Variants in VEGFC observed in about 807,000 individuals in gnomAD.
The protein encoded by VEGFC is vascular endothelial growth factor C, also known as FLT4 ligand DHM.
In VEGFC, 12 loss-of-function variants were observed where a neutral mutation model predicts 46.1. That is an observed-to-expected ratio of 0.26 (90% CI 0.17 to 0.42). The LOEUF (loss-of-function observed/expected upper bound fraction) is 0.42. Ranked by LOEUF, VEGFC falls within the 10% of genes least tolerant of loss-of-function variation. VEGFC has a pLI of 1.00. For missense variants in VEGFC, 488 were observed against 529.4 expected (o/e 0.92, Z 0.77); for synonymous variants, 232 against 195.5 (o/e 1.19, Z -1.56).
chr4:176,701,168 A>G (rs759328910), intron 4 of VEGFC, among the ~76,000 whole-genome samples: 4 of 152,258 alleles, frequency 2.6e-5, no homozygotes, highest in African/African-American at 4.8e-5. Context: ...CTAATGCAAG[A>G]TGTTAAAACT....
chr4:176,743,040 C>T (rs936715944), intron 1 of VEGFC, among the ~76,000 whole-genome samples: 4 of 151,964 alleles, frequency 2.6e-5, no homozygotes, highest in African/African-American at 9.7e-5. Flanking sequence ...CCGGAAGAAG[C>T]AGATACTGAA....
chr4:176,721,972 G>A (rs1009327915), intron 3 of VEGFC, among the ~76,000 whole-genome samples: 5 of 151,964 alleles, frequency 3.3e-5, no homozygotes, highest in African/African-American at 9.7e-5. Flanking sequence ...TATTTTTGAT[G>A]AACTACAAAT....
chr4:176,757,528 C>A (rs1579126004), intron 1 of VEGFC, among the ~76,000 whole-genome samples: 1 of 151,764 alleles, frequency 6.6e-6, no homozygotes. Context: ...AATATTGGTA[C>A]AGTCATAGAT....
intron 1 of VEGFC, among the ~76,000 whole-genome samples, chr4:176,754,626 T>C (rs1735402620): frequency 6.6e-6 from 1 of 151,988 alleles, no homozygotes; most frequent in Admixed American, 6.6e-5. Flanking sequence ...ACTGGAACCA[T>C]GTAGATAATC....
chr4:176,730,743 C>T (rs765352512), intron 1 of VEGFC, among the ~76,000 whole-genome samples: 1 of 152,014 alleles, frequency 6.6e-6, no homozygotes, highest in Non-Finnish European at 1.5e-5. Flanking sequence ...GTTTTCCTGT[C>T]TAATTTTTGA....
At chr4:176,699,499 C>A (rs1734386865) in intron 4 of VEGFC, among the ~76,000 whole-genome samples, 1 of 152,200 alleles carries the variant, frequency 6.6e-6, no homozygotes, top group Non-Finnish European at 1.5e-5. Context: ...TAGATACAGA[C>A]CCTTCTTGCC....
intron 1 of VEGFC, among the ~76,000 whole-genome samples, chr4:176,769,228 T>C (rs1482743928): frequency 7.9e-5 from 12 of 152,092 alleles, no homozygotes; most frequent in African/African-American, 2.7e-4. Context: ...AACAATGAAT[T>C]TTCTGTTCTT....
At chr4:176,779,401 G>GT (rs1024721801) in intron 1 of VEGFC, among the ~76,000 whole-genome samples, 1 of 152,106 alleles carries the variant, frequency 6.6e-6, no homozygotes, top group African/African-American at 2.4e-5. Flanking sequence ...ATTGGAAGAA[G>GT]TTTTTTTCTG....
intron 1 of VEGFC, among the ~76,000 whole-genome samples, chr4:176,771,414 CA>C (rs944557743): frequency 7.9e-5 from 12 of 151,450 alleles, no homozygotes; most frequent in Admixed American, 2.0e-4. Flanking sequence ...GTCTACTTAC[CA>C]AAAAAAATTG....
At chr4:176,699,119 A>G (rs2110983547) in intron 4 of VEGFC, among the ~76,000 whole-genome samples, 1 of 152,350 alleles carries the variant, frequency 6.6e-6, no homozygotes. Flanking sequence ...AGCTCTTTTA[A>G]TAAGGTTTTT....
intron 3 of VEGFC, among the ~76,000 whole-genome samples, chr4:176,721,709 A>T (rs977970305): frequency 1.2e-4 from 19 of 152,340 alleles, no homozygotes; most frequent in Admixed American, 1.2e-3. Context: ...CACTGGAAAA[A>T]GAATAGGATT....
rs778948257 is a variant in VEGFC at position 176,687,345 on chromosome 4, C to T, written c.987G>A (p.Gly329=). The stretch of plus-strand genomic sequence containing the variant: ...TGTTTTCATCAAATTCTCGGTTGGC[C>T]CCACATTGGCTGGGGAAGAGTTTGT... ...CKNKLFPSQC[G]ANREFDENTC... The change falls in exon 6 of 7, where the codon GGG becomes GGA. Residue 329 remains glycine, a synonymous_variant. Transcript: ENST00000618562. 1.2e-6 allele frequency: 2 copies of T among 1,613,978 alleles called. No homozygotes were observed. The highest frequency in any genetic ancestry group is 1.3e-5 in the African/African-American group (1 of 74,968).
chr4:176,766,578 C>G (rs1267817741), intron 1 of VEGFC, among the ~76,000 whole-genome samples: 1 of 66,568 alleles, frequency 1.5e-5, no homozygotes, highest in African/African-American at 4.0e-5. Context: ...CAGAATGACA[C>G]TCTGTCTCAA....
intron 3 of VEGFC, among the ~76,000 whole-genome samples, chr4:176,715,477 T>G (rs1734682092): frequency 6.6e-6 from 1 of 152,162 alleles, no homozygotes; most frequent in Admixed American, 6.5e-5. Context: ...CATCTGGGTA[T>G]GTATTAAGAT....
At chr4:176,732,815 T>C (rs890071624) in intron 1 of VEGFC, among the ~76,000 whole-genome samples, 3 of 151,900 alleles carry the variant, frequency 2.0e-5, no homozygotes, top group Admixed American at 6.6e-5. Flanking sequence ...ACATAATTTT[T>C]AAAGTGACAA....
intron 1 of VEGFC, among the ~76,000 whole-genome samples, chr4:176,766,074 C>A: frequency 6.6e-6 from 1 of 151,802 alleles, no homozygotes; most frequent in East Asian, 1.9e-4. Flanking sequence ...ATGTCTCATA[C>A]CTAGGTACCG....
chr4:176,779,312 G>GTA (rs2110941412), intron 1 of VEGFC, among the ~76,000 whole-genome samples: 1 of 152,204 alleles, frequency 6.6e-6, no homozygotes, highest in Admixed American at 6.5e-5. Context: ...ATACAAGGTG[G>GTA]TATAAACAAT....
chr4:176,737,471 AAT>A (rs998422363), intron 1 of VEGFC, among the ~76,000 whole-genome samples: 1 of 150,448 alleles, frequency 6.6e-6, no homozygotes, highest in African/African-American at 2.4e-5. Flanking sequence ...GAATTTATTC[AAT>A]GTTTCCTGAA....
Position 176,729,565 on chromosome 4 carries a change from G to A in VEGFC, c.329C>T (p.Ala110Val). Residue 110 changes from alanine (A) to valine (V), a missense_variant, in exon 2 of 7, where the codon GCT becomes GTT. By Grantham distance (64) the Ala-to-Val change is moderately conservative. Coordinates refer to ENST00000618562, the MANE Select transcript of VEGFC (RefSeq NM_005429.5). Reference protein sequence around the residue: ...NSRTEETIKFAAAHYNTEILK... With the variant: ...NSRTEETIKFVAAHYNTEILK... ...GATCTCTGTATTATAATGTGCTGCAGCAAATTTTATAGTCTCTTCTGTCCT... is the reference window on the plus strand; with the variant it reads ...GATCTCTGTATTATAATGTGCTGCAACAAATTTTATAGTCTCTTCTGTCCT... 2 of 1,613,450 alleles carry A rather than the reference G, an allele frequency of 1.2e-6. No homozygotes were observed. Among genetic ancestry groups the A allele is most frequent in the Non-Finnish European group, 1.7e-6 (2 of 1,179,824 alleles).
Sources: allele counts gnomAD v4.1 joint callset (sites outside exome capture counted in the v4.1 genomes callset), GRCh38; gene constraint gnomAD v4.1.1; transcripts MANE v1.5; gene names NCBI Gene and HGNC (gene_info 2026-07-23, HGNC 2026-07-21).